Variants in RUNX3 observed in about 807,000 individuals in gnomAD.
The protein encoded by RUNX3 is runt-related transcription factor 3.
In RUNX3, 10 loss-of-function variants were observed where a neutral mutation model predicts 27.7. The observed-to-expected ratio is 0.36, with a 90% CI of 0.22 to 0.61. The LOEUF (loss-of-function observed/expected upper bound fraction) is 0.61. Among genes scored for constraint, RUNX3 ranks in the 20% least tolerant of loss-of-function variants. The pLI is 0.72. For synonymous variants in RUNX3, 270 were observed against 269.2 expected (o/e 1.00, Z -0.03); for missense variants, 469 against 629.5 (o/e 0.75, Z 2.73).
chr1:24,902,809 G>A lies in RUNX3; in HGVS notation c.704-143C>T. 1.6e-6 allele frequency: 1 copy of A among 625,934 alleles called. No homozygotes were observed. The highest frequency in any genetic ancestry group is 2.5e-6 in the Non-Finnish European group (1 of 407,138). The allele number at this position is 625,934 out of a possible 1,614,324, so 38.8% of individuals were successfully genotyped here. A position where few individuals can be genotyped will look rare whatever the true frequency, so the allele number is the denominator to read the frequency against. ...CCTGGCTCTCCTCTTCCTGCCCTAG[G>A]CTGCCCGGGGCCTCCCCCGCCAGGA... On this transcript the variant is annotated intron_variant, in intron 4 of 4. Coordinates refer to ENST00000308873, the MANE Select transcript of RUNX3 (RefSeq NM_004350.3). This position sits in a 1 kb window ranked among gnomAD's most constrained non-coding sequence, Gnocchi z 9.2.
intron 1 of RUNX3, chr1:24,929,341 G>C (rs1173223306): frequency 1.4e-6 from 1 of 690,210 alleles, no homozygotes; most frequent in African/African-American, 1.8e-5. Context: ...ACGTCTCTAC[G>C]CAAGGCGCCC....
intron 2 of RUNX3, among the ~76,000 whole-genome samples, chr1:24,936,160 G>A (rs915565250): frequency 2.0e-5 from 3 of 152,256 alleles, no homozygotes; most frequent in Non-Finnish European, 4.4e-5. Flanking sequence ...CCCCCAGGGT[G>A]GGGTTCAGCT....
chr1:24,902,295 G>C lies in RUNX3; in HGVS notation c.1075C>G (p.Arg359Gly). ...SSSGGDRSPT[R>G]MLASCTSSAA... is the part of the protein sequence containing the mutation. ...CTGCTGGTGCAAGAGGCCAGCATGC[G>C]GGTAGGTGAGCGGTCGCCCCCACTG... Residue 359 changes from arginine to glycine, a missense_variant, in exon 5 of 5, where the codon CGC (arginine) becomes GGC (glycine). Around this residue, in one of 3 missense-constraint regions of RUNX3, gnomAD observed 279 missense variants for 343.0 expected, o/e 0.81. Coordinates refer to ENST00000308873, the MANE Select transcript of RUNX3 (RefSeq NM_004350.3). The surrounding 1 kb of genome is among the most constrained non-coding windows in gnomAD (Gnocchi z 9.2). 3 of 1,603,088 alleles carry C rather than the reference G, an allele frequency of 1.9e-6. No individual in the cohort carries two copies. The highest frequency in any genetic ancestry group is 2.5e-6 in the Non-Finnish European group (3 of 1,176,624).
intron 1 of RUNX3, chr1:24,929,312 TC>T (rs1557846554): frequency 1.5e-6 from 1 of 669,824 alleles, no homozygotes; most frequent in Non-Finnish European, 2.7e-6. Context: ...CAAAACCCCA[TC>T]CGCCCATTTC....
intron 1 of RUNX3, chr1:24,929,035 C>T (rs775471938): frequency 2.2e-6 from 1 of 457,082 alleles, no homozygotes; most frequent in South Asian, 1.5e-5. Flanking sequence ...CCAATCTCAA[C>T]TCGCCATTCG....
chr1:24,956,272 T>C (rs1020089608), intron 2 of RUNX3, among the ~76,000 whole-genome samples: 3 of 152,270 alleles, frequency 2.0e-5, no homozygotes, highest in African/African-American at 7.2e-5. Flanking sequence ...CCTCTTCCTC[T>C]TTCTTTCTCT....
intron 4 of RUNX3, among the ~76,000 whole-genome samples, chr1:24,905,654 GC>G (rs1211185881): frequency 6.6e-6 from 1 of 152,262 alleles, no homozygotes; most frequent in Non-Finnish European, 1.5e-5. Context: ...CAGTGGATGG[GC>G]AGATGTGGGC....
intron 3 of RUNX3, among the ~76,000 whole-genome samples, chr1:24,918,951 G>A (rs953860964): frequency 3.3e-5 from 5 of 152,166 alleles, no homozygotes; most frequent in African/African-American, 1.2e-4. Flanking sequence ...ACAAGCACCC[G>A]ACAAATGCCA....
At chr1:24,964,519 A>C in exon 2 of RUNX3, 2 of 1,609,350 alleles carry the variant, frequency 1.2e-6, no homozygotes, top group East Asian at 2.2e-5. Context: ...CTCACCGCGG[A>C]TGAAGGTCGG....
In RUNX3 at chr1:24,930,169, C is replaced by T. The variant is rs1054195271; in HGVS notation, c.-301G>A. ...CCCGGCTGCCTGGGCCGCGGCGGGG[C>T]CCGCGCGGGGCTGTGCCGCTGCCGC... On this transcript the variant is annotated 5_prime_UTR_variant, in exon 1 of 5. Coordinates refer to ENST00000308873, the MANE Select transcript of RUNX3 (RefSeq NM_004350.3). The surrounding 1 kb of genome is among the most constrained non-coding windows in gnomAD (Gnocchi z 4.1). The T allele has an allele frequency of 1.0e-6, 1 of 978,834 alleles. No homozygotes were observed. The highest frequency in any genetic ancestry group is 1.2e-6 in the Non-Finnish European group (1 of 827,192). 60.6% of individuals were successfully genotyped at this position (978,834 alleles called of 1,614,324 possible).
At chr1:24,951,002 T>C (rs1641746858) in intron 2 of RUNX3, among the ~76,000 whole-genome samples, 1 of 151,954 alleles carries the variant, frequency 6.6e-6, no homozygotes, top group African/African-American at 2.4e-5. Flanking sequence ...GGTCAGGAGA[T>C]TGAGACCCTC....
At chr1:24,918,051 G>A (rs1020174552) in intron 3 of RUNX3, among the ~76,000 whole-genome samples, 7 of 152,174 alleles carry the variant, frequency 4.6e-5, no homozygotes, top group African/African-American at 7.2e-5. Context: ...GATGCGTGCC[G>A]GGGCTCAGGG....
In RUNX3 at chr1:24,939,031, A is replaced by G. The variant is rs558427774; in HGVS notation, c.59-9179T>C. Among the ~76,000 whole-genome samples the G allele has an allele frequency of 3.3e-4, 50 of 152,282 alleles. No homozygotes were observed. In the South Asian group the frequency reaches 8.1e-3, roughly 25 times the overall value. ...GATGGCAGCAACCCTTTTCTCCCCA[A>G]TCGCATTTGGGCTGTGTCAGTGTTT... On this transcript the variant is annotated intron_variant, in intron 2 of 6. Coordinates refer to the RUNX3 transcript ENST00000338888.
At chr1:24,906,505 A>G (rs1640667073) in intron 4 of RUNX3, among the ~76,000 whole-genome samples, 1 of 152,328 alleles carries the variant, frequency 6.6e-6, no homozygotes, top group East Asian at 1.9e-4. Flanking sequence ...CAGCTCACTG[A>G]CTGAGAGAAC....
Position 24,930,068 on chromosome 1 carries a change from C to A in RUNX3, c.-200G>T. ...CCGCTGCGAGGCCTCGCTGGCCCGA[C>A]GGCCGCCCGCAGCCTGCCCGGCTAG... On this transcript the variant is annotated 5_prime_UTR_variant, in exon 1 of 5. Coordinates refer to ENST00000308873, the MANE Select transcript of RUNX3 (RefSeq NM_004350.3). The surrounding 1 kb of genome is among the most constrained non-coding windows in gnomAD (Gnocchi z 4.1). The A allele has an allele frequency of 4.1e-6, 4 of 980,402 alleles. No individual in the cohort carries two copies. The highest frequency in any genetic ancestry group is 4.8e-6 in the Non-Finnish European group (4 of 827,970). The allele number at this position is 980,402 out of a possible 1,614,324, so 60.7% of individuals were successfully genotyped here.
intron 4 of RUNX3, among the ~76,000 whole-genome samples, chr1:24,903,949 T>C (rs1640613880): frequency 6.6e-6 from 1 of 152,236 alleles, no homozygotes; most frequent in Admixed American, 6.5e-5. Flanking sequence ...AGAATGGCAC[T>C]GGGCACAGAG....
chr1:24,964,040 C>T (rs889715369), intron 2 of RUNX3, among the ~76,000 whole-genome samples: 4 of 152,212 alleles, frequency 2.6e-5, no homozygotes, highest in Non-Finnish European at 5.9e-5. Flanking sequence ...TCTGATACCC[C>T]AGGAGTTACA....
At chr1:24,955,757 C>A (rs1641902736) in intron 2 of RUNX3, among the ~76,000 whole-genome samples, 1 of 152,170 alleles carries the variant, frequency 6.6e-6, no homozygotes, top group Admixed American at 6.5e-5. Context: ...CACTGAAAAA[C>A]ACTGGGGGGG....
At position 24,924,034 on chromosome 1, in the gene RUNX3, T is replaced by G. The variant is rs537886230; in HGVS notation, c.439+3540A>C. On this transcript the variant is annotated intron_variant, in intron 2 of 4. Coordinates refer to ENST00000308873, the MANE Select transcript of RUNX3 (RefSeq NM_004350.3). ...CAGCACCCAACGCTGCCCAGGGTGG[T>G]GAAGATTCAATTCTTCCTGGGAGGG... 7.4e-5 allele frequency among the ~76,000 whole-genome samples: 8 copies of G among 107,786 alleles called. No homozygotes were observed. The East Asian group carries it at 1.6e-3, about 21-fold the overall frequency. The allele number at this position is 107,786 out of a possible 152,430, so 70.7% of individuals were successfully genotyped here. A position where few individuals can be genotyped will look rare whatever the true frequency, so the allele number is the denominator to read the frequency against.
Sources: gnomAD v4.1 joint callset for allele counts (sites outside exome capture counted in the v4.1 genomes callset) on GRCh38, gnomAD v4.1.1 for gene constraint, gnomAD v4.1.1 regional missense constraint, Gnocchi (gnomAD v3.1) non-coding constraint, MANE v1.5 for transcripts, NCBI Gene and HGNC (gene_info 2026-07-23, HGNC 2026-07-21) for gene names.